APTX: variants seen among roughly 807,000 people sequenced by gnomAD.
The protein encoded by APTX is aprataxin, also known as forkhead-associated domain histidine triad-like protein.
APTX carries 33 observed loss-of-function variants against 42.3 expected under a neutral mutation model. That is an observed-to-expected ratio of 0.78 (90% confidence interval 0.59 to 1.04). The LOEUF is 1.04. Ranked by LOEUF, APTX falls within the 50% of genes least tolerant of loss-of-function variation. The probability of loss-of-function intolerance (pLI) is 0.00; values close to 1 mark genes in which losing one functional copy is unlikely to be tolerated. For missense variants in APTX, 421 were observed against 415.1 expected (o/e 1.01, Z -0.12); for synonymous variants, 130 against 146.7 (o/e 0.89, Z 0.82).
intron 1 of APTX, among the ~76,000 whole-genome samples, chr9:33,014,923 G>C (rs1837788037): frequency 6.6e-6 from 1 of 152,198 alleles, no homozygotes; most frequent in Non-Finnish European, 1.5e-5. Flanking sequence ...TCTAGGAATA[G>C]TTTTACTTCT....
chr9:33,013,301 A>T (rs2119245488), intron 1 of APTX, among the ~76,000 whole-genome samples: 1 of 152,378 alleles, frequency 6.6e-6, no homozygotes, highest in Non-Finnish European at 1.5e-5. Flanking sequence ...CACAGAAAAA[A>T]TAAGTAACTT....
intron 1 of APTX, chr9:33,015,854 CAATT>C (rs1361329981): frequency 6.6e-6 from 1 of 152,130 alleles, no homozygotes; most frequent in Non-Finnish European, 1.5e-5. Context: ...TTCCCTTCAT[CAATT>C]TTTTTCTGAC....
At position 33,013,308 on chromosome 9, in the gene APTX, A is replaced by C. The variant is rs549870608; in HGVS notation, c.-5+11715T>G. On this transcript the variant is annotated intron_variant, in intron 1 of 6. Transcript: ENST00000436040. ...AATTGAGGCACAGAAAAAATAAGTA[A>C]CTTGTTTGTGGCGGGGCCAGGATTC... Among the ~76,000 whole-genome samples, 20 of 152,314 alleles carry C rather than the reference A, an allele frequency of 1.3e-4. No individual in the cohort carries two copies. The South Asian group carries it at 4.1e-3, about 32-fold the overall frequency.
rs142032370 is a variant in APTX at position 32,987,836 on chromosome 9, T to C, written c.191A>G (p.Asn64Ser). The C allele has an allele frequency of 8.5e-5, 137 of 1,613,456 alleles. No individual in the cohort carries two copies. The highest frequency in any genetic ancestry group is 1.5e-4 in the South Asian group (14 of 91,040). ...TACGACTGAGTCAATGCTGGTGGGA[T>C]TGACTCCTACCTATGGAATAAACAA... ...GYVKVKQVGV[N>S]PTSIDSVVIG... The change falls in exon 4 of 8, where the codon AAT (asparagine) becomes AGT (serine). Residue 64 changes from asparagine (N) to serine (S), a missense_variant. Physicochemically the swap from Asn to Ser is conservative, Grantham distance 46 (BLOSUM62 1). Transcript: ENST00000379817.
chr9:33,004,102 G>A (rs191993421), upstream of APTX, among the ~76,000 whole-genome samples: 4 of 152,312 alleles, frequency 2.6e-5, 1 homozygote, highest in Admixed American at 2.6e-4. Context: ...AAAGAAGAAT[G>A]AAATAATGTC....
At chr9:32,999,531 A>T (rs1378339024) in intron 1 of APTX, among the ~76,000 whole-genome samples, 1 of 152,230 alleles carries the variant, frequency 6.6e-6, no homozygotes, top group African/African-American at 2.4e-5. Context: ...ATCAGAAGCA[A>T]ACATAAAGAA....
intron 2 of APTX, 32 bp from the exon 3 acceptor site, chr9:32,988,161 TGC>T (rs779023417): frequency 6.2e-7 from 1 of 1,606,290 alleles, no homozygotes; most frequent in Admixed American, 1.7e-5. Flanking sequence ...TAAACACAAA[TGC>T]AACAAAGAAC....
chr9:32,998,850 T>C (rs890711018), intron 1 of APTX, among the ~76,000 whole-genome samples: 2 of 150,486 alleles, frequency 1.3e-5, no homozygotes, highest in African/African-American at 4.9e-5. Context: ...TCTGCACATG[T>C]ATCCCAGAAC....
At chr9:32,993,019 C>T (rs1275770199) in intron 1 of APTX, among the ~76,000 whole-genome samples, 1 of 152,144 alleles carries the variant, frequency 6.6e-6, no homozygotes, top group African/African-American at 2.4e-5. Flanking sequence ...TGAAATATGT[C>T]TTCACTAGGC....
intron 1 of APTX, chr9:33,019,762 G>A (rs1026432428): frequency 2.2e-5 from 13 of 591,714 alleles, no homozygotes; most frequent in Non-Finnish European, 3.2e-5. Context: ...AAAGATGGTC[G>A]AGAAAGTTGA....
intron 1 of APTX, chr9:33,016,000 TAGA>T (rs1298661761): frequency 1.3e-5 from 2 of 152,216 alleles, no homozygotes; most frequent in African/African-American, 4.8e-5. Flanking sequence ...AATAATTATC[TAGA>T]AGATGTATAT....
intron 1 of APTX, among the ~76,000 whole-genome samples, chr9:33,007,409 C>A (rs1041760938): frequency 1.3e-5 from 2 of 152,184 alleles, no homozygotes; most frequent in African/African-American, 2.4e-5. Flanking sequence ...CAAGAATGGA[C>A]TAGTGGGGAA....
chr9:33,018,108 T>A (rs935365148), intron 1 of APTX, among the ~76,000 whole-genome samples: 6 of 151,438 alleles, frequency 4.0e-5, no homozygotes, highest in African/African-American at 9.7e-5. Flanking sequence ...AAAATTTTAT[T>A]TTTTATTTAA....
chr9:33,023,575 T>G (rs141602125), intron 1 of APTX, among the ~76,000 whole-genome samples: 1 of 152,206 alleles, frequency 6.6e-6, no homozygotes, highest in African/African-American at 2.4e-5. Flanking sequence ...CTGGTAATAT[T>G]AGACGTTTAT....
chr9:33,001,367 G>T, intron 1 of APTX, 200 bp downstream of exon 1: 1 of 1,530,088 alleles, frequency 6.5e-7, no homozygotes, highest in Non-Finnish European at 8.7e-7. Flanking sequence ...AACGCAAAGT[G>T]GGTCGAAGAC....
intron 2 of APTX, among the ~76,000 whole-genome samples, chr9:32,988,685 G>GA (rs1563969938): frequency 1.7e-5 from 1 of 60,472 alleles, no homozygotes; most frequent in Non-Finnish European, 3.1e-5. Context: ...TATCTCAGGA[G>GA]GAAAAAAAAA....
intron 1 of APTX, among the ~76,000 whole-genome samples, chr9:33,017,928 G>GCCCCCCCCCCCCCCCCCC (rs59841021): frequency 1.4e-5 from 1 of 70,796 alleles, no homozygotes; most frequent in Admixed American, 1.6e-4. Flanking sequence ...AGCAACCAGC[G>GCCCCCCCCCCCCCCCCCC]CCCCCCCCCC....
At chr9:32,993,620 C>A (rs1834154275) in intron 1 of APTX, among the ~76,000 whole-genome samples, 1 of 151,994 alleles carries the variant, frequency 6.6e-6, no homozygotes, top group African/African-American at 2.4e-5. Context: ...TTCTATGGCT[C>A]TTCTTACGAT....
intron 1 of APTX, among the ~76,000 whole-genome samples, chr9:32,997,767 CAA>C (rs1402913470): frequency 6.6e-6 from 1 of 152,158 alleles, no homozygotes; most frequent in Non-Finnish European, 1.5e-5. Context: ...CTGAGAAGCT[CAA>C]ACTTTAGAAC....
Sources: allele counts gnomAD v4.1 joint callset (sites outside exome capture counted in the v4.1 genomes callset), GRCh38; gene constraint gnomAD v4.1.1; transcripts MANE v1.5; gene names NCBI Gene and HGNC (gene_info 2026-07-23, HGNC 2026-07-21).